The following TMCC1 variants were observed in gnomAD, a reference collection of about 807,000 sequenced individuals.
The protein encoded by TMCC1 is transmembrane and coiled-coil domain family 1.
In TMCC1, 15 loss-of-function variants were observed where a neutral mutation model predicts 52.4. The ratio of observed to expected loss-of-function variants is 0.29; its 90% CI spans 0.19 to 0.44. The LOEUF (loss-of-function observed/expected upper bound fraction) is 0.44, where lower values mean the gene tolerates loss of function less well. Ranked by LOEUF, TMCC1 falls within the 20% of genes least tolerant of loss-of-function variation. The pLI, the probability that TMCC1 is intolerant of heterozygous loss-of-function variation, is 1.00. For synonymous variants in TMCC1, 279 were observed against 301.9 expected, an observed-to-expected ratio of 0.92 and a Z score of 0.79; for missense variants, 503 against 806.0, an observed-to-expected ratio of 0.62 and a Z score of 4.55.
At chr3:129,663,926 T>A (rs1337105000) in intron 5 of TMCC1, among the ~76,000 whole-genome samples, 4 of 152,134 alleles carry the variant, frequency 2.6e-5, no homozygotes, top group African/African-American at 9.7e-5. Context: ...ATCATTACAT[T>A]TTTACAGAGG....
chr3:129,731,793 C>T (rs1300123383), intron 4 of TMCC1, among the ~76,000 whole-genome samples: 2 of 151,894 alleles, frequency 1.3e-5, no homozygotes, highest in Admixed American at 6.6e-5. Context: ...GCTAGTTTTT[C>T]GTATTTTTTT....
chr3:129,703,002 C>T (rs539497502), intron 4 of TMCC1, among the ~76,000 whole-genome samples: 4 of 152,182 alleles, frequency 2.6e-5, no homozygotes, highest in East Asian at 3.9e-4. Context: ...AGCAACAGAG[C>T]GAGACTTTGT....
At chr3:129,773,879 G>A (rs1484013412) in intron 4 of TMCC1, among the ~76,000 whole-genome samples, 4 of 152,094 alleles carry the variant, frequency 2.6e-5, no homozygotes, top group African/African-American at 9.7e-5. Flanking sequence ...GGAGTTGGAG[G>A]TGGCAGTGAG....
chr3:129,745,645 C>A (rs756612439), intron 4 of TMCC1, among the ~76,000 whole-genome samples: 1 of 152,032 alleles, frequency 6.6e-6, no homozygotes, highest in Admixed American at 6.6e-5. Context: ...ATAGACACAG[C>A]TGAATCTTTT....
intron 4 of TMCC1, among the ~76,000 whole-genome samples, chr3:129,797,520 T>C (rs1371578678): frequency 6.6e-6 from 1 of 152,098 alleles, no homozygotes; most frequent in African/African-American, 2.4e-5. Flanking sequence ...GGCAGGCAGA[T>C]TGCTTGAGCT....
At chr3:129,890,282 G>A (rs185681798) in intron 1 of TMCC1, among the ~76,000 whole-genome samples, 1 of 152,340 alleles carries the variant, frequency 6.6e-6, no homozygotes, top group East Asian at 1.9e-4. Flanking sequence ...CTGGCAAAAT[G>A]TGACCAATGC....
At chr3:129,747,665 T>C (rs1422230977) in intron 4 of TMCC1, among the ~76,000 whole-genome samples, 6 of 152,142 alleles carry the variant, frequency 3.9e-5, no homozygotes, top group Admixed American at 2.6e-4. Flanking sequence ...ACCACCTCCC[T>C]GGTGTAGATG....
At position 129,692,937 on chromosome 3, in the gene TMCC1, G is replaced by A. The variant is rs569124817; in HGVS notation, c.577-21673C>T. Among the ~76,000 whole-genome samples, 159 of 152,146 alleles carry A rather than the reference G, an allele frequency of 1.0e-3. 1 individual carries two copies. Among genetic ancestry groups the A allele is most frequent in the Middle Eastern group, 0.01 (3 of 294 alleles). On this transcript the variant is annotated intron_variant, in intron 4 of 6. Transcript: ENST00000393238. ...GGCTGACTGCAATGTCCATCTCCCG[G>A]GCTCAAGTGATCCTCCTACCTCAGC...
At chr3:129,677,723 G>GTC (rs375141786) in intron 4 of TMCC1, among the ~76,000 whole-genome samples, 1 of 152,312 alleles carries the variant, frequency 6.6e-6, no homozygotes, top group East Asian at 1.9e-4. Flanking sequence ...GGAAGCTTGT[G>GTC]AAGAGTAGAG....
chr3:129,773,012 A>G (rs1560386911), intron 4 of TMCC1, among the ~76,000 whole-genome samples: 1 of 152,200 alleles, frequency 6.6e-6, no homozygotes, highest in African/African-American at 2.4e-5. Flanking sequence ...CACTCTAGCA[A>G]CTTAACCCAA....
chr3:129,765,962 GA>G (rs1023518477), intron 4 of TMCC1, among the ~76,000 whole-genome samples: 2 of 152,114 alleles, frequency 1.3e-5, no homozygotes, highest in African/African-American at 4.8e-5. Context: ...TATTTTGGGA[GA>G]AATTTTCTCA....
At chr3:129,841,986 CTAATACAAGGGG>C (rs1478848425) in intron 2 of TMCC1, among the ~76,000 whole-genome samples, 1 of 152,072 alleles carries the variant, frequency 6.6e-6, no homozygotes, top group Non-Finnish European at 1.5e-5. Context: ...TGAAAACAAA[CTAATACAAGGGG>C]TATTATAATA....
At chr3:129,778,867 A>G (rs542002491) in intron 4 of TMCC1, among the ~76,000 whole-genome samples, 1 of 152,200 alleles carries the variant, frequency 6.6e-6, no homozygotes, top group East Asian at 1.9e-4. Context: ...TGGATCTGTG[A>G]GTCAATTAAA....
At chr3:129,728,949 A>C (rs1033719471) in intron 4 of TMCC1, among the ~76,000 whole-genome samples, 7 of 152,152 alleles carry the variant, frequency 4.6e-5, no homozygotes, top group Non-Finnish European at 1.0e-4. Context: ...TATATACCAC[A>C]GTTTATCCAT....
At chr3:129,872,943 A>T (rs1467050092) in intron 2 of TMCC1, among the ~76,000 whole-genome samples, 1 of 143,604 alleles carries the variant, frequency 7.0e-6, no homozygotes, top group Non-Finnish European at 1.5e-5. Context: ...TGAGATCCGG[A>T]GTCTTGCTCT....
chr3:129,856,720 T>C (rs1028226742), intron 2 of TMCC1, among the ~76,000 whole-genome samples: 2 of 152,210 alleles, frequency 1.3e-5, no homozygotes, highest in Non-Finnish European at 2.9e-5. Flanking sequence ...AGTGAAATTA[T>C]CTAACTTTCC....
chr3:129,846,755 A>C (rs2059681973), intron 2 of TMCC1, among the ~76,000 whole-genome samples: 1 of 151,376 alleles, frequency 6.6e-6, no homozygotes, highest in African/African-American at 2.4e-5. Flanking sequence ...CTGGCCAGGC[A>C]TAGTGGCTCA....
intron 2 of TMCC1, chr3:129,847,024 T>C (rs1045172814): frequency 2.0e-5 from 3 of 151,830 alleles, no homozygotes; most frequent in Non-Finnish European, 4.4e-5. Context: ...CATACATACA[T>C]AATTTTGAAA....
At chr3:129,756,236 T>C (rs1389408770) in intron 4 of TMCC1, among the ~76,000 whole-genome samples, 1 of 152,210 alleles carries the variant, frequency 6.6e-6, no homozygotes, top group Non-Finnish European at 1.5e-5. Flanking sequence ...AAAACCTGTA[T>C]GTGAATGTTT....
Sources: gnomAD v4.1 joint callset for allele counts (sites outside exome capture counted in the v4.1 genomes callset) on GRCh38, gnomAD v4.1.1 for gene constraint, MANE v1.5 for transcripts, NCBI Gene and HGNC (gene_info 2026-07-23, HGNC 2026-07-21) for gene names.